The following ARL15 variants were observed in gnomAD, a reference collection of about 807,000 sequenced individuals.
ARL15 encodes the protein ARF like GTPase 15.
Under a neutral mutation model 25.2 loss-of-function variants are expected in ARL15, and 19 were observed. That is an observed-to-expected ratio of 0.75 (90% CI 0.53 to 1.10). The LOEUF (loss-of-function observed/expected upper bound fraction) is 1.10. Among genes scored for constraint, ARL15 ranks in the 50% least tolerant of loss-of-function variants. ARL15 has a pLI of 0.00. For missense variants in ARL15, 220 were observed against 246.0 expected, an observed-to-expected ratio of 0.89 and a Z score of 0.71; for synonymous variants, 94 against 86.8, an observed-to-expected ratio of 1.08 and a Z score of -0.46.
chr5:54,240,384 C>T (rs1756928581), intron 1 of ARL15, among the ~76,000 whole-genome samples: 1 of 151,770 alleles, frequency 6.6e-6, no homozygotes, highest in Non-Finnish European at 1.5e-5. Flanking sequence ...TCTGAGTATA[C>T]ATGCAGGTAG....
intron 3 of ARL15, among the ~76,000 whole-genome samples, chr5:54,115,405 T>C (rs772378394): frequency 4.6e-5 from 7 of 152,088 alleles, no homozygotes; most frequent in Non-Finnish European, 7.4e-5. Flanking sequence ...CATCAGCCTC[T>C]TGGGTAGCTG....
At chr5:54,196,213 A>G (rs1755544894) in intron 1 of ARL15, among the ~76,000 whole-genome samples, 2 of 152,200 alleles carry the variant, frequency 1.3e-5, no homozygotes, top group South Asian at 2.1e-4. Flanking sequence ...AGTTCTCAAC[A>G]TAGATGAACT....
chr5:54,211,164 T>C (rs1467747475), intron 1 of ARL15, among the ~76,000 whole-genome samples: 1 of 152,200 alleles, frequency 6.6e-6, no homozygotes, highest in African/African-American at 2.4e-5. Context: ...GTTAGTGGTT[T>C]GTTTGGTATG....
rs1433376883 is a variant in ARL15, at chr5:54,298,467, A to C, written c.48+11965T>G. 2.0e-5 allele frequency among the ~76,000 whole-genome samples: 3 copies of C among 152,088 alleles called. No individual in the cohort carries two copies. In the East Asian group the frequency reaches 5.8e-4, roughly 29 times the overall value. On this transcript the variant is annotated intron_variant, in intron 1 of 4. Transcript: ENST00000504924. ...CGCTACCTGACCACATTTCAGTCAC[A>C]CTTGGCAAAATGACCTCACGTTCTA...
At chr5:54,230,346 G>GAAAAA (rs137882615) in intron 1 of ARL15, among the ~76,000 whole-genome samples, 280 of 90,556 alleles carry the variant, frequency 3.1e-3, no homozygotes, top group Non-Finnish European at 3.5e-3. Context: ...TTCCATCTCA[G>GAAAAA]AAAAAAAAAA....
At chr5:54,124,037 G>C (rs1200212876) in intron 3 of ARL15, among the ~76,000 whole-genome samples, 2 of 152,142 alleles carry the variant, frequency 1.3e-5, no homozygotes, top group Non-Finnish European at 2.9e-5. Context: ...GGAGAAAAGG[G>C]AGAGAGACAG....
chr5:54,031,364 G>A (rs530294341), intron 4 of ARL15, among the ~76,000 whole-genome samples: 1 of 152,266 alleles, frequency 6.6e-6, no homozygotes, highest in South Asian at 2.1e-4. Context: ...CAAAGTAGAT[G>A]AATAGACGAC....
intron 1 of ARL15, among the ~76,000 whole-genome samples, chr5:54,296,213 AG>A (rs1382239305): frequency 6.6e-6 from 1 of 152,206 alleles, no homozygotes; most frequent in Non-Finnish European, 1.5e-5. Context: ...GAAGGCTGGT[AG>A]GGGGAAAATG....
intron 4 of ARL15, chr5:54,048,164 G>A (rs762182567): frequency 4.0e-5 from 6 of 151,684 alleles, no homozygotes; most frequent in Non-Finnish European, 7.4e-5. Flanking sequence ...CCTCCTAGGA[G>A]GTTACCATAC....
chr5:54,267,724 T>C (rs537226375), intron 1 of ARL15, among the ~76,000 whole-genome samples: 1 of 152,194 alleles, frequency 6.6e-6, no homozygotes, highest in Non-Finnish European at 1.5e-5. Context: ...CCTTCACTTA[T>C]GAAGCTTAGT....
intron 4 of ARL15, among the ~76,000 whole-genome samples, chr5:54,070,370 C>A (rs566402391): frequency 2.0e-5 from 3 of 151,226 alleles, no homozygotes; most frequent in African/African-American, 7.3e-5. Flanking sequence ...CCAGCCTGGG[C>A]GACAGAGCGA....
chr5:54,200,508 A>G (rs1755692236), intron 1 of ARL15, among the ~76,000 whole-genome samples: 1 of 145,350 alleles, frequency 6.9e-6, no homozygotes, highest in Non-Finnish European at 1.5e-5. Flanking sequence ...ACTGGCAATA[A>G]GAAACAGGCT....
chr5:54,184,204 C>A (rs1250846261), intron 1 of ARL15, among the ~76,000 whole-genome samples: 1 of 125,914 alleles, frequency 7.9e-6, no homozygotes, highest in African/African-American at 3.0e-5. Flanking sequence ...ACATATGTAA[C>A]TAACCTGCAC....
At chr5:54,225,509 T>C (rs1444950584) in intron 1 of ARL15, among the ~76,000 whole-genome samples, 2 of 152,078 alleles carry the variant, frequency 1.3e-5, no homozygotes, top group African/African-American at 2.4e-5. Context: ...AAGGAATGAC[T>C]GGGTGGTGAA....
chr5:53,986,135 G>A (rs1202090781), intron 4 of ARL15, among the ~76,000 whole-genome samples: 2 of 152,132 alleles, frequency 1.3e-5, no homozygotes, highest in Non-Finnish European at 2.9e-5. Context: ...TAAAAGAATA[G>A]AGTACCTATC....
At chr5:53,898,683 T>C (rs895724812) in intron 4 of ARL15, among the ~76,000 whole-genome samples, 2 of 151,932 alleles carry the variant, frequency 1.3e-5, no homozygotes, top group South Asian at 4.2e-4. Flanking sequence ...CCTCACTCTG[T>C]TGCCCAGGCT....
At chr5:54,088,351 GT>G (rs1752038381) in intron 4 of ARL15, among the ~76,000 whole-genome samples, 1 of 152,160 alleles carries the variant, frequency 6.6e-6, no homozygotes, top group South Asian at 2.1e-4. Context: ...GGCAGAAAAT[GT>G]GAAGTAAACG....
intron 1 of ARL15, among the ~76,000 whole-genome samples, chr5:54,212,547 A>G (rs568637052): frequency 6.6e-6 from 1 of 152,300 alleles, no homozygotes; most frequent in East Asian, 1.9e-4. Flanking sequence ...GCTTAGACCA[A>G]TCATGGTTCA....
At chr5:53,897,097 T>C (rs1744896889) in intron 4 of ARL15, among the ~76,000 whole-genome samples, 1 of 152,202 alleles carries the variant, frequency 6.6e-6, no homozygotes, top group South Asian at 2.1e-4. Flanking sequence ...TACTGATAAT[T>C]TGTATACTAT....
Sources: gnomAD v4.1 joint callset for allele counts (sites outside exome capture counted in the v4.1 genomes callset) on GRCh38, gnomAD v4.1.1 for gene constraint, MANE v1.5 for transcripts, NCBI Gene and HGNC (gene_info 2026-07-23, HGNC 2026-07-21) for gene names.